Variants in PHACTR4 observed in about 807,000 individuals in gnomAD.
The protein encoded by PHACTR4 is phosphatase and actin regulator 4, also known as protein phosphatase 1, regulatory subunit 124.
PHACTR4 carries 51 observed loss-of-function variants against 72.7 expected under a neutral mutation model. The observed-to-expected ratio is 0.70, with a 90% CI of 0.56 to 0.89. The LOEUF is 0.89. Ranked by LOEUF, PHACTR4 falls within the 40% of genes least tolerant of loss-of-function variation. The probability of loss-of-function intolerance (pLI) is 0.00; values close to 1 mark genes in which losing one functional copy is unlikely to be tolerated. For missense variants in PHACTR4, 731 were observed against 861.8 expected, an observed-to-expected ratio of 0.85 and a Z score of 1.90; for synonymous variants, 255 against 302.5, an observed-to-expected ratio of 0.84 and a Z score of 1.63.
At chr1:28,427,412 G>C (rs1264150062) in intron 2 of PHACTR4, among the ~76,000 whole-genome samples, 1 of 152,128 alleles carries the variant, frequency 6.6e-6, no homozygotes, top group Non-Finnish European at 1.5e-5. Context: ...TGTAATCCCA[G>C]CTACTTGGGG....
chr1:28,470,934 A>G (rs557327248), intron 6 of PHACTR4, among the ~76,000 whole-genome samples: 2 of 151,972 alleles, frequency 1.3e-5, no homozygotes, highest in East Asian at 3.9e-4. Flanking sequence ...CTGTAGCAAG[A>G]GGATCACTTG....
chr1:28,493,111 ATC>A lies in PHACTR4; in HGVS notation c.2093+21_2093+22del. ...TACACGGTAAGACCCAAAAGACCCA[ATC>A]ATATATGTGCTAGGTAGAGTTTTCC... On this transcript the variant is annotated intron_variant, in intron 13 of 13. Coordinates refer to ENST00000373839, the MANE Select transcript of PHACTR4 (RefSeq NM_001048183.3). 6.3e-7 allele frequency: 1 copy of A among 1,595,882 alleles called. No individual in the cohort carries two copies. The highest frequency in any genetic ancestry group is 8.6e-7 in the Non-Finnish European group (1 of 1,163,520).
intron 2 of PHACTR4, among the ~76,000 whole-genome samples, chr1:28,421,393 G>GTT (rs578085922): frequency 7.0e-6 from 1 of 143,224 alleles, no homozygotes; most frequent in Non-Finnish European, 1.5e-5. Context: ...GGGTTTTTTT[G>GTT]TTTTTTTTTT....
At chr1:28,490,843 CA>C (rs377077670) in intron 10 of PHACTR4, 107 bp from the exon 11 acceptor site, 21,669 of 877,266 alleles carry the variant, frequency 0.025, no homozygotes, top group Non-Finnish European at 0.026. Context: ...AACTCCGTCT[CA>C]AAAAAAAAAA....
rs775487381 is a variant in PHACTR4 at position 28,460,256 on chromosome 1, G to T, written c.235G>T (p.Val79Phe). ...TATGCGAAAGCCAAGAGAAGAGCTGGTTAAAAGAGGGGTTCTGTTGGAAGA... is the reference window on the plus strand; with the variant it reads ...TATGCGAAAGCCAAGAGAAGAGCTGTTTAAAAGAGGGGTTCTGTTGGAAGA... ...ISMRKPREEL[V>F]KRGVLLEDPE... Residue 79 changes from valine (V) to phenylalanine (F), a missense_variant, in exon 4 of 14, where the codon GTT (valine) becomes TTT (phenylalanine). Val to Phe is a conservative substitution (Grantham distance 50). Coordinates refer to ENST00000373839, the MANE Select transcript of PHACTR4 (RefSeq NM_001048183.3). 3 of 1,613,786 alleles carry T rather than the reference G, an allele frequency of 1.9e-6. No homozygotes were observed. The South Asian group carries it at 3.3e-5, about 18-fold the overall frequency.
At chr1:28,457,724 C>T (rs1324976109) in intron 2 of PHACTR4, 2 of 596,194 alleles carry the variant, frequency 3.4e-6, no homozygotes, top group Non-Finnish European at 4.2e-6. Flanking sequence ...TTACAGTCAA[C>T]ATGTTAGCTT....
At chr1:28,489,105 A>C in intron 9 of PHACTR4, 65 bp from the exon 10 acceptor site, 1 of 1,421,826 alleles carries the variant, frequency 7.0e-7, no homozygotes, top group Non-Finnish European at 9.8e-7. Context: ...TGTGACCAAA[A>C]AAATCTTTAT....
At chr1:28,452,107 C>T (rs1469672597) in intron 2 of PHACTR4, among the ~76,000 whole-genome samples, 3 of 152,188 alleles carry the variant, frequency 2.0e-5, no homozygotes, top group East Asian at 3.9e-4. Flanking sequence ...TTACAGTTGA[C>T]CTTTAAACAA....
intron 1 of PHACTR4, among the ~76,000 whole-genome samples, chr1:28,389,665 A>G (rs1026171739): frequency 3.9e-5 from 6 of 152,016 alleles, no homozygotes; most frequent in African/African-American, 1.4e-4. Flanking sequence ...TTTAGTAGAG[A>G]TGGGGTTTCA....
intron 3 of PHACTR4, among the ~76,000 whole-genome samples, chr1:28,459,573 T>G (rs1658655374): frequency 6.6e-6 from 1 of 151,924 alleles, no homozygotes; most frequent in Non-Finnish European, 1.5e-5. Context: ...AGTTAATTTT[T>G]AAATTCTTTG....
chr1:28,472,711 C>T (rs1237326933), intron 6 of PHACTR4, among the ~76,000 whole-genome samples: 2 of 151,542 alleles, frequency 1.3e-5, no homozygotes, highest in Non-Finnish European at 2.9e-5. Context: ...AAGAGATTCT[C>T]GTGCCTCAGC....
chr1:28,493,531 T>TC (rs1661163359), intron 13 of PHACTR4, among the ~76,000 whole-genome samples: 1 of 132,934 alleles, frequency 7.5e-6, no homozygotes, highest in African/African-American at 3.0e-5. Flanking sequence ...AGAGCAAAAC[T>TC]CCATCTCAAA....
chr1:28,434,324 C>CT (rs67495104), intron 2 of PHACTR4, among the ~76,000 whole-genome samples: 136 of 143,384 alleles, frequency 9.5e-4, no homozygotes, highest in East Asian at 4.5e-3. Flanking sequence ...AGAATCCTTT[C>CT]TTTTTTTTTT....
intron 1 of PHACTR4, among the ~76,000 whole-genome samples, chr1:28,387,155 G>A (rs1017175743): frequency 6.6e-6 from 1 of 151,696 alleles, no homozygotes; most frequent in African/African-American, 2.4e-5. Context: ...CAGCTACTCG[G>A]GAGGCTGAGG....
At chr1:28,476,015 A>G (rs1021397735) in intron 7 of PHACTR4, 92 bp from the exon 8 acceptor site, 1 of 1,268,372 alleles carries the variant, frequency 7.9e-7, no homozygotes. Context: ...GCCATGAGCC[A>G]CCACGCCCAG....
At chr1:28,396,768 C>T (rs1049229017) in intron 1 of PHACTR4, among the ~76,000 whole-genome samples, 3 of 150,472 alleles carry the variant, frequency 2.0e-5, no homozygotes, top group African/African-American at 7.3e-5. Context: ...AAGCGATTCT[C>T]CTGCCTCAGC....
chr1:28,397,736 G>T (rs865805012), intron 1 of PHACTR4, among the ~76,000 whole-genome samples: 2 of 144,606 alleles, frequency 1.4e-5, no homozygotes, highest in African/African-American at 2.6e-5. Flanking sequence ...TTTCTCTGTC[G>T]CCAGGCTGGC....
chr1:28,462,444 G>A (rs1201957944), intron 4 of PHACTR4, among the ~76,000 whole-genome samples: 1 of 149,934 alleles, frequency 6.7e-6, no homozygotes, highest in Non-Finnish European at 1.5e-5. Flanking sequence ...CTACACTCAC[G>A]GCAACCTCTG....
intron 10 of PHACTR4, among the ~76,000 whole-genome samples, chr1:28,490,537 A>G (rs964248814): frequency 2.0e-5 from 3 of 151,890 alleles, no homozygotes; most frequent in East Asian, 1.9e-4. Context: ...ATCTCAAAAA[A>G]AAAAAAGAAA....
Sources: allele counts gnomAD v4.1 joint callset (sites outside exome capture counted in the v4.1 genomes callset), GRCh38; gene constraint gnomAD v4.1.1; transcripts MANE v1.5; gene names NCBI Gene and HGNC (gene_info 2026-07-23, HGNC 2026-07-21).